Variants in CACNG2 observed in about 807,000 individuals in gnomAD.
CACNG2 encodes the protein voltage-dependent calcium channel gamma-2 subunit.
Under a neutral mutation model 25.9 loss-of-function variants are expected in CACNG2, and 3 were observed. The ratio of observed to expected loss-of-function variants is 0.12; its 90% CI spans 0.05 to 0.30. CACNG2 has a LOEUF of 0.30. Ranked by LOEUF, CACNG2 falls within the 10% of genes least tolerant of loss-of-function variation. CACNG2 has a pLI of 1.00. For synonymous variants in CACNG2, 167 were observed against 173.3 expected (o/e 0.96, Z 0.29); for missense variants, 341 against 432.5 (o/e 0.79, Z 1.88).
chr22:36,682,050 G>A (rs575191547), intron 1 of CACNG2, among the ~76,000 whole-genome samples: 1 of 152,244 alleles, frequency 6.6e-6, no homozygotes, highest in Admixed American at 6.5e-5. Flanking sequence ...AACTAGGGAA[G>A]TGTAACAGCA....
At chr22:36,576,431 C>T (rs1451622464) in intron 2 of CACNG2, among the ~76,000 whole-genome samples, 1 of 151,962 alleles carries the variant, frequency 6.6e-6, no homozygotes, top group South Asian at 2.1e-4. Flanking sequence ...TTCATTGTGT[C>T]CTGCTTGGAT....
intron 1 of CACNG2, among the ~76,000 whole-genome samples, chr22:36,643,299 TTCTTCCTTCCTTC>T (rs1462095687): frequency 6.6e-6 from 1 of 151,650 alleles, no homozygotes; most frequent in African/African-American, 2.4e-5. Flanking sequence ...TCCCTTCCTT[TTCTTCCTTCCTTC>T]TCTCTCTCTT....
intron 1 of CACNG2, among the ~76,000 whole-genome samples, chr22:36,644,703 A>T (rs985788329): frequency 2.0e-4 from 30 of 152,344 alleles, no homozygotes; most frequent in African/African-American, 5.3e-4. Flanking sequence ...ATAATAATAA[A>T]AAATAATACT....
At chr22:36,599,487 C>T (rs566014008) in intron 1 of CACNG2, among the ~76,000 whole-genome samples, 9 of 152,146 alleles carry the variant, frequency 5.9e-5, no homozygotes, top group African/African-American at 2.2e-4. Context: ...ATCGCATGAG[C>T]CCAGGAGTTC....
At chr22:36,695,952 G>T (rs116239871) in intron 1 of CACNG2, among the ~76,000 whole-genome samples, 3 of 152,274 alleles carry the variant, frequency 2.0e-5, no homozygotes, top group African/African-American at 2.4e-5. Flanking sequence ...CTATGGCTGC[G>T]AACTAACCTG....
intron 1 of CACNG2, among the ~76,000 whole-genome samples, chr22:36,641,286 T>G (rs980088096): frequency 1.3e-4 from 20 of 152,230 alleles, no homozygotes; most frequent in Non-Finnish European, 2.8e-4. Context: ...CTTTTTGATC[T>G]CTGCTGGATC....
intron 1 of CACNG2, among the ~76,000 whole-genome samples, chr22:36,630,687 T>G (rs577380566): frequency 6.6e-6 from 1 of 152,120 alleles, no homozygotes; most frequent in African/African-American, 2.4e-5. Context: ...TTTTGAGACA[T>G]GAGCTTCCAG....
chr22:36,695,879 C>T (rs571014760), intron 1 of CACNG2, among the ~76,000 whole-genome samples: 8 of 152,230 alleles, frequency 5.3e-5, no homozygotes, highest in African/African-American at 1.2e-4. Flanking sequence ...TAGTGCTTGG[C>T]GCTTTACAGG....
At chr22:36,628,458 A>C (rs1936217960) in intron 1 of CACNG2, among the ~76,000 whole-genome samples, 1 of 152,232 alleles carries the variant, frequency 6.6e-6, no homozygotes, top group African/African-American at 2.4e-5. Context: ...TATAACGAGC[A>C]AGGGAAAGTT....
chr22:36,605,739 C>T (rs572906734), intron 1 of CACNG2, among the ~76,000 whole-genome samples: 77 of 152,286 alleles, frequency 5.1e-4, no homozygotes, highest in African/African-American at 1.8e-3. Flanking sequence ...CTGGGCCCCA[C>T]GGTCGGGGCA....
In CACNG2 at chr22:36,566,363, G is replaced by A. The variant is rs750586750; in HGVS notation, c.426C>T (p.Phe142=). ...ATCAGTGGCTGTTACCTGCAGACAC[G>A]AAGAAGATGCCGGCACTCAGGATGA... is the stretch of plus-strand genomic sequence containing the variant. The part of the protein sequence containing the change: ...HNIILSAGIF[F]VSAGLSNIIG... The change falls in exon 3 of 4, where the codon TTC becomes TTT. Residue 142 remains phenylalanine (F), a synonymous_variant. Transcript: ENST00000300105. 7 of 1,614,062 alleles carry A rather than the reference G, an allele frequency of 4.3e-6. No homozygotes were observed. The highest frequency in any genetic ancestry group is 1.1e-5 in the South Asian group (1 of 91,084).
At chr22:36,627,279 C>CGT (rs58015913) in intron 1 of CACNG2, among the ~76,000 whole-genome samples, 68,387 of 130,886 alleles carry the variant, frequency 0.52, 17,846 homozygotes, top group Admixed American at 0.59. Context: ...AGAGTGGGGA[C>CGT]GTGTGTGTGT....
intron 1 of CACNG2, 57 bp downstream of exon 1, chr22:36,702,309 G>A: frequency 2.8e-6 from 3 of 1,055,394 alleles, no homozygotes; most frequent in Non-Finnish European, 2.8e-6. Context: ...GTGGGGAGGG[G>A]GGAGTGAAAG....
Position 36,695,589 on chromosome 22 carries a change from G to A in CACNG2, c.211+6777C>T, listed in dbSNP as rs116348543. 6.3e-3 allele frequency among the ~76,000 whole-genome samples: 938 copies of A among 149,958 alleles called. 12 individuals are homozygous for A. Among genetic ancestry groups the A allele is most frequent in the African/African-American group, 0.022 (908 of 40,800 alleles). On this transcript the variant is annotated intron_variant, in intron 1 of 3. Coordinates refer to ENST00000300105, the MANE Select transcript of CACNG2 (RefSeq NM_006078.5). The stretch of plus-strand genomic sequence containing the variant: ...CTCTGGACATGCTGCCCTCCGATCT[G>A]GAATGTCCTTTCTTCCTCTCTTCAC...
At chr22:36,696,208 C>T (rs753749189) in intron 1 of CACNG2, among the ~76,000 whole-genome samples, 10 of 152,070 alleles carry the variant, frequency 6.6e-5, no homozygotes, top group Middle Eastern at 3.2e-3. Flanking sequence ...AGGACTTGCA[C>T]CCCCGGCGCT....
At chr22:36,682,070 GC>G (rs1937131938) in intron 1 of CACNG2, among the ~76,000 whole-genome samples, 1 of 152,192 alleles carries the variant, frequency 6.6e-6, no homozygotes, top group Admixed American at 6.5e-5. Context: ...AGACCAAGAG[GC>G]AGAATTCCTA....
chr22:36,693,073 C>CAG (rs1937286451), intron 1 of CACNG2, among the ~76,000 whole-genome samples: 1 of 152,098 alleles, frequency 6.6e-6, no homozygotes. Flanking sequence ...TTTAACCCAG[C>CAG]AGACGGAGGC....
intron 2 of CACNG2, among the ~76,000 whole-genome samples, chr22:36,577,914 T>G (rs1032614743): frequency 6.6e-6 from 1 of 152,038 alleles, no homozygotes; most frequent in Non-Finnish European, 1.5e-5. Context: ...CTGAGAGCCC[T>G]GGGCAGTGGA....
intron 2 of CACNG2, among the ~76,000 whole-genome samples, chr22:36,574,031 G>A (rs1935274626): frequency 6.6e-6 from 1 of 152,144 alleles, no homozygotes; most frequent in Non-Finnish European, 1.5e-5. Flanking sequence ...GGAGGAGCCA[G>A]TGGAGGAGTG....
Sources: allele counts gnomAD v4.1 joint callset (sites outside exome capture counted in the v4.1 genomes callset), GRCh38; gene constraint gnomAD v4.1.1; transcripts MANE v1.5; gene names NCBI Gene and HGNC (gene_info 2026-07-23, HGNC 2026-07-21).